PDIA6: variants seen among roughly 807,000 people sequenced by gnomAD.
PDIA6 encodes protein disulfide isomerase family A member 6, also known as protein disulfide-isomerase A6.
Under a neutral mutation model 58.4 loss-of-function variants are expected in PDIA6, and 29 were observed. The observed-to-expected ratio is 0.50, with a 90% confidence interval of 0.37 to 0.68. PDIA6 has a LOEUF of 0.68. PDIA6 is among the 30% of genes least tolerant of loss of function. The pLI, the probability that PDIA6 is intolerant of heterozygous loss-of-function variation, is 0.00. For missense variants in PDIA6, 480 were observed against 551.0 expected (o/e 0.87, Z 1.29); for synonymous variants, 192 against 202.6 (o/e 0.95, Z 0.44).
chr2:10,800,999 C>T (rs1666486778), intron 2 of PDIA6, among the ~76,000 whole-genome samples: 1 of 152,134 alleles, frequency 6.6e-6, no homozygotes, highest in Non-Finnish European at 1.5e-5. Flanking sequence ...ACCTGCCTGA[C>T]CCAGTGCAGT....
chr2:10,807,966 TA>T (rs1666831373), intron 1 of PDIA6, among the ~76,000 whole-genome samples: 1 of 152,240 alleles, frequency 6.6e-6, no homozygotes, highest in Non-Finnish European at 1.5e-5. Context: ...CTTTTCCTAT[TA>T]CACCATGCTG....
At chr2:10,821,512 G>A (rs1486256472) in intron 1 of PDIA6, 2 of 152,356 alleles carry the variant, frequency 1.3e-5, no homozygotes, top group South Asian at 2.1e-4. Context: ...TTGATGCTGA[G>A]CAAACATCTA....
At position 10,797,176 on chromosome 2, in the gene PDIA6, T is replaced by C. The variant is rs751004184; in HGVS notation, c.251A>G (p.Asp84Gly). 6.2e-7 allele frequency: 1 copy of C among 1,611,692 alleles called. No individual in the cohort carries two copies. Among genetic ancestry groups the C allele is most frequent in the South Asian group, 1.1e-5 (1 of 90,440 alleles). ...DVVKVGAVDA[D>G]KHHSLGGQYG... ...CTGACCTCCTAGGGAATGATGCTTATCTGCATCAACTGCACCAACTTTGAC... is the reference window on the plus strand; with the variant it reads ...CTGACCTCCTAGGGAATGATGCTTACCTGCATCAACTGCACCAACTTTGAC... The change falls in exon 4 of 13, where the codon GAT (aspartate) becomes GGT (glycine). Residue 84 changes from aspartate (D) to glycine (G), a missense_variant. Transcript: ENST00000272227.
intron 1 of PDIA6, among the ~76,000 whole-genome samples, chr2:10,828,318 A>T (rs1269317284): frequency 6.6e-6 from 1 of 152,220 alleles, no homozygotes; most frequent in Admixed American, 6.5e-5. Flanking sequence ...ATTAAAATGT[A>T]TCAGAAATTC....
chr2:10,800,029 G>A (rs1434518820), intron 2 of PDIA6, among the ~76,000 whole-genome samples: 1 of 151,926 alleles, frequency 6.6e-6, no homozygotes, highest in African/African-American at 2.4e-5. Flanking sequence ...ATCTGTAATC[G>A]AAATTTAGAA....
chr2:10,789,980 ATTTTT>A (rs199881762), intron 7 of PDIA6, 91 bp from the exon 8 acceptor site: 15,981 of 820,150 alleles, frequency 0.019, 4 homozygotes, highest in South Asian at 0.032. Flanking sequence ...CTTATAGGTA[ATTTTT>A]TTTTTTTTTT....
chr2:10,800,242 A>C (rs1461812758), intron 2 of PDIA6, among the ~76,000 whole-genome samples: 2 of 152,156 alleles, frequency 1.3e-5, no homozygotes, highest in Non-Finnish European at 1.5e-5. Context: ...TATTCTAAAA[A>C]CCCACAACCT....
At chr2:10,831,452 G>A (rs1301657935) in intron 1 of PDIA6, among the ~76,000 whole-genome samples, 2 of 152,158 alleles carry the variant, frequency 1.3e-5, no homozygotes, top group Admixed American at 6.5e-5. Context: ...GGTGGCTGGA[G>A]CCCTCCCTTG....
chr2:10,793,437 T>C (rs1320378512), intron 4 of PDIA6, among the ~76,000 whole-genome samples: 1 of 152,188 alleles, frequency 6.6e-6, no homozygotes, highest in Non-Finnish European at 1.5e-5. Context: ...TTTTTTGAGA[T>C]GGAGTCTCAC....
chr2:10,798,482 C>T (rs1334220108), intron 2 of PDIA6, among the ~76,000 whole-genome samples: 5 of 150,546 alleles, frequency 3.3e-5, no homozygotes, highest in African/African-American at 4.9e-5. Flanking sequence ...GGAGGGGAAT[C>T]GCTTGAACTC....
At chr2:10,834,733 T>TC (rs1328435517), upstream of PDIA6, among the ~76,000 whole-genome samples, 800 of 8,882 alleles carry the variant, frequency 0.09, 24 homozygotes, top group African/African-American at 0.13. Flanking sequence ...CTTCCTTCCC[T>TC]CCTTCCTTCC....
chr2:10,811,452 G>C (rs1456650074), intron 1 of PDIA6, among the ~76,000 whole-genome samples: 1 of 152,148 alleles, frequency 6.6e-6, no homozygotes, highest in Admixed American at 6.5e-5. Flanking sequence ...AACTATGATG[G>C]AAACCCTGCA....
At chr2:10,803,911 G>GTTTT (rs754643092) in intron 1 of PDIA6, among the ~76,000 whole-genome samples, 1 of 117,892 alleles carries the variant, frequency 8.5e-6, no homozygotes, top group Non-Finnish European at 1.8e-5. Context: ...TAGTTTTTGT[G>GTTTT]TTTTTTTTTT....
In PDIA6 at chr2:10,810,253, AT is replaced by A. The variant is rs1226187373; in HGVS notation, c.19+2424del. 3 of 1,486,050 alleles carry A rather than the reference AT, an allele frequency of 2.0e-6. No individual in the cohort carries two copies. The South Asian group carries it at 3.6e-5, about 18-fold the overall frequency. 92.1% of individuals were successfully genotyped at this position (1,486,050 alleles called of 1,614,324 possible). A position where few individuals can be genotyped will look rare whatever the true frequency, so the allele number is the denominator to read the frequency against. On this transcript the variant is annotated intron_variant, in intron 1 of 12. Coordinates refer to ENST00000272227, the MANE Select transcript of PDIA6 (RefSeq NM_005742.4). Reference sequence around the variant, plus strand: ...GAAAGGATAACTTACCTAAGATCATATAATTAGATAGACCCAAATTTCTAAC... The same window carrying A: ...GAAAGGATAACTTACCTAAGATCATAAATTAGATAGACCCAAATTTCTAAC...
intron 1 of PDIA6, among the ~76,000 whole-genome samples, chr2:10,806,629 A>AAAGAAAGAAAGAAC (rs1491187872): frequency 1.4e-5 from 1 of 69,212 alleles, no homozygotes; most frequent in Non-Finnish European, 4.2e-5. Flanking sequence ...AAATAAAGAC[A>AAAGAAAGAAAGAAC]GAAAGAAAGA....
chr2:10,813,103 C>T (rs543292601), upstream of PDIA6, among the ~76,000 whole-genome samples: 1 of 152,166 alleles, frequency 6.6e-6, no homozygotes, highest in African/African-American at 2.4e-5. Context: ...TTCTGCACCC[C>T]CCCACCCCGC....
chr2:10,806,650 A>AAAGAAAGAAAGAAACAGACAG (rs1553339954), intron 1 of PDIA6, among the ~76,000 whole-genome samples: 1 of 62,924 alleles, frequency 1.6e-5, no homozygotes. Flanking sequence ...AAGAAAGAAA[A>AAAGAAAGAAAGAAACAGACAG]ACGTTACAGT....
chr2:10,790,006 TCTCA>T (rs1320798969), intron 7 of PDIA6, 117 bp from the exon 8 acceptor site: 2 of 793,374 alleles, frequency 2.5e-6, no homozygotes, highest in African/African-American at 3.5e-5. Context: ...TTTGAAGCAG[TCTCA>T]CTCTGTTGCC....
chr2:10,791,962 CAAG>C, intron 5 of PDIA6, 37 bp from the exon 6 acceptor site: 3 of 1,597,610 alleles, frequency 1.9e-6, no homozygotes, highest in Non-Finnish European at 2.6e-6. Flanking sequence ...ACAATTGGGC[CAAG>C]AAGAACACTT....
Sources: gnomAD v4.1 joint callset for allele counts (sites outside exome capture counted in the v4.1 genomes callset) on GRCh38, gnomAD v4.1.1 for gene constraint, MANE v1.5 for transcripts, NCBI Gene and HGNC (gene_info 2026-07-23, HGNC 2026-07-21) for gene names.